The following SOX5 variants were observed in gnomAD, a reference collection of about 807,000 sequenced individuals.
SOX5 encodes SRY-box transcription factor 5, also known as transcription factor SOX-5.
In SOX5, 9 loss-of-function variants were observed where a neutral mutation model predicts 92.0. The observed-to-expected ratio is 0.10, with a 90% CI of 0.06 to 0.17. SOX5 has a LOEUF of 0.17. Ranked by LOEUF, SOX5 falls within the 10% of genes least tolerant of loss-of-function variation. The probability of loss-of-function intolerance (pLI) is 1.00; values close to 1 mark genes in which losing one functional copy is unlikely to be tolerated. For missense variants in SOX5, 642 were observed against 944.5 expected, an observed-to-expected ratio of 0.68 and a Z score of 4.20; for synonymous variants, 344 against 336.3, an observed-to-expected ratio of 1.02 and a Z score of -0.25.
intron 9 of SOX5, among the ~76,000 whole-genome samples, chr12:23,603,444 A>T (rs201773956): frequency 1.8e-4 from 11 of 61,788 alleles, no homozygotes; most frequent in East Asian, 5.6e-4. Flanking sequence ...TATATATATA[A>T]AATATATATA....
At chr12:23,968,285 A>C (rs139828467) in intron 4 of SOX5, among the ~76,000 whole-genome samples, 1,878 of 152,328 alleles carry the variant, frequency 0.012, 16 homozygotes, top group East Asian at 0.039. Flanking sequence ...TTTGATTAAC[A>C]GTGACCTCTA....
intron 2 of SOX5, among the ~76,000 whole-genome samples, chr12:23,872,245 C>A (rs2096882935): frequency 1.4e-5 from 2 of 146,842 alleles, no homozygotes; most frequent in African/African-American, 5.0e-5. Context: ...ATCTCCTGAC[C>A]TCGTGATCCG....
chr12:23,849,733 T>A lies in SOX5; in HGVS notation c.271-3540A>T, dbSNP rs898659858. Among the ~76,000 whole-genome samples the A allele has an allele frequency of 3.3e-5, 5 of 152,310 alleles. No homozygotes were observed. In the East Asian group the frequency reaches 9.6e-4, roughly 29 times the overall value. On this transcript the variant is annotated intron_variant, in intron 2 of 14. Coordinates refer to ENST00000451604, the MANE Select transcript of SOX5 (RefSeq NM_006940.6). Reference sequence around the variant, plus strand: ...TTAAATCAACCACATTCCAGACTTATAAAGCTCTGTCCATCCAAATATCTA... The same window carrying A: ...TTAAATCAACCACATTCCAGACTTAAAAAGCTCTGTCCATCCAAATATCTA...
intron 3 of SOX5, among the ~76,000 whole-genome samples, chr12:23,817,752 CCTCT>C (rs1462365384): frequency 6.6e-6 from 1 of 152,194 alleles, no homozygotes; most frequent in African/African-American, 2.4e-5. Context: ...TGAGTTCCCT[CCTCT>C]CTACTTACAG....
intron 4 of SOX5, among the ~76,000 whole-genome samples, chr12:24,155,817 G>C (rs1952106106): frequency 6.6e-6 from 1 of 152,100 alleles, no homozygotes. Flanking sequence ...TGAGGAAGGA[G>C]GGCAGGCCTG....
intron 4 of SOX5, among the ~76,000 whole-genome samples, chr12:23,976,575 A>G (rs1163919585): frequency 1.3e-5 from 2 of 152,178 alleles, no homozygotes; most frequent in Admixed American, 6.6e-5. Context: ...AAGTAACATG[A>G]TTATAAGTAG....
chr12:24,186,286 T>C (rs991469424), intron 4 of SOX5, among the ~76,000 whole-genome samples: 6 of 151,990 alleles, frequency 3.9e-5, no homozygotes, highest in African/African-American at 9.7e-5. Context: ...GTCATAAAGG[T>C]AGAACATGAG....
At chr12:23,572,099 T>C (rs1948463133) in intron 10 of SOX5, among the ~76,000 whole-genome samples, 2 of 152,188 alleles carry the variant, frequency 1.3e-5, no homozygotes, top group Admixed American at 1.3e-4. Context: ...TTGCGTACCA[T>C]ATCAAAAGCA....
chr12:23,841,342 A>AT (rs1259573987), intron 3 of SOX5, among the ~76,000 whole-genome samples: 1 of 152,120 alleles, frequency 6.6e-6, no homozygotes, highest in Non-Finnish European at 1.5e-5. Flanking sequence ...AGAAACTTAC[A>AT]TTCATTCCTG....
Position 23,530,798 on chromosome 12 carries a change from A to AGTGTGTCTGTGTGTGTGTGTGT in SOX5, c.*3420_*3421insACACACACACACACAGACACAC, listed in dbSNP as rs1938815827. The AGTGTGTCTGTGTGTGTGTGTGT allele has an allele frequency of 9.1e-6, 1 of 109,472 alleles. No individual in the cohort carries two copies. The highest frequency in any genetic ancestry group is 1.9e-5 in the Non-Finnish European group (1 of 51,770). The allele number at this position is 109,472 out of a possible 1,614,324, so 6.8% of individuals were successfully genotyped here. On this transcript the variant is annotated 3_prime_UTR_variant, in exon 15 of 15. Coordinates refer to ENST00000451604, the MANE Select transcript of SOX5 (RefSeq NM_006940.6). ...AAGATTATTTCTCAGTGTTGGGGCA[A>AGTGTGTCTGTGTGTGTGTGTGT]GTGTGTGTGTGTGTGTGTGTGCGCG...
intron 1 of SOX5, among the ~76,000 whole-genome samples, chr12:24,425,854 ATT>A (rs1399370757): frequency 1.3e-5 from 2 of 152,274 alleles, no homozygotes; most frequent in East Asian, 3.9e-4. Context: ...CAGAATTAGA[ATT>A]CAGGTCTCCA....
At chr12:23,692,862 G>A (rs2089131980) in intron 6 of SOX5, among the ~76,000 whole-genome samples, 1 of 152,050 alleles carries the variant, frequency 6.6e-6, no homozygotes, top group Non-Finnish European at 1.5e-5. Flanking sequence ...TTGTATTCTT[G>A]TTTAGAACAG....
At chr12:24,078,419 G>A (rs1173982637) in intron 4 of SOX5, among the ~76,000 whole-genome samples, 1 of 152,120 alleles carries the variant, frequency 6.6e-6, no homozygotes, top group African/African-American at 2.4e-5. Context: ...ACAAGGGTAA[G>A]CAACTACATA....
intron 4 of SOX5, among the ~76,000 whole-genome samples, chr12:24,170,681 A>T (rs1247849599): frequency 2.0e-5 from 3 of 152,238 alleles, no homozygotes; most frequent in Non-Finnish European, 4.4e-5. Context: ...ATGATTTGTA[A>T]TAGATAAATT....
At chr12:23,818,504 G>T (rs1219006760) in intron 3 of SOX5, among the ~76,000 whole-genome samples, 1 of 152,150 alleles carries the variant, frequency 6.6e-6, no homozygotes, top group Non-Finnish European at 1.5e-5. Flanking sequence ...TGAGTGGCAG[G>T]TGAATGTGAA....
chr12:24,069,064 G>C (rs943163223), intron 4 of SOX5, among the ~76,000 whole-genome samples: 7 of 151,296 alleles, frequency 4.6e-5, no homozygotes, highest in Non-Finnish European at 8.8e-5. Context: ...TGCATAATCA[G>C]AAAATAATAT....
At chr12:23,855,948 C>A (rs1477855567) in intron 2 of SOX5, among the ~76,000 whole-genome samples, 1 of 152,088 alleles carries the variant, frequency 6.6e-6, no homozygotes, top group Non-Finnish European at 1.5e-5. Context: ...CAATAGAGAA[C>A]TATGTTTAGG....
At chr12:24,521,712 A>G (rs1950279652) in intron 1 of SOX5, among the ~76,000 whole-genome samples, 1 of 152,228 alleles carries the variant, frequency 6.6e-6, no homozygotes, top group Admixed American at 6.5e-5. Context: ...GAACAACCAT[A>G]GGGTCAAAGA....
chr12:23,604,704 G>C (rs1305655477), intron 8 of SOX5, among the ~76,000 whole-genome samples, 171 bp from the exon 9 acceptor site: 2 of 152,096 alleles, frequency 1.3e-5, no homozygotes, highest in African/African-American at 4.8e-5. Flanking sequence ...TTACTTTTTA[G>C]GGGAGAAATG....
Sources: allele counts gnomAD v4.1 joint callset (sites outside exome capture counted in the v4.1 genomes callset), GRCh38; gene constraint gnomAD v4.1.1; transcripts MANE v1.5; gene names NCBI Gene and HGNC (gene_info 2026-07-23, HGNC 2026-07-21).